The following NELL2 variants were observed in gnomAD, a reference collection of about 807,000 sequenced individuals.
NELL2 encodes protein kinase C-binding protein NELL2.
Under a neutral mutation model 109.6 loss-of-function variants are expected in NELL2, and 41 were observed. The ratio of observed to expected loss-of-function variants is 0.37; its 90% CI spans 0.29 to 0.49. The LOEUF is 0.49. NELL2 is among the 20% of genes least tolerant of loss of function. The pLI is 0.98. For synonymous variants in NELL2, 355 were observed against 344.7 expected (o/e 1.03, Z -0.33); for missense variants, 900 against 1,008.3 (o/e 0.89, Z 1.45).
At chr12:44,833,204 G>A (rs1386721264) in intron 2 of NELL2, among the ~76,000 whole-genome samples, 1 of 152,154 alleles carries the variant, frequency 6.6e-6, no homozygotes, top group Non-Finnish European at 1.5e-5. Context: ...AAACCTGGGT[G>A]TTCTACAAAG....
upstream of NELL2, chr12:44,876,421 C>G (rs987408542): frequency 3.1e-6 from 4 of 1,274,462 alleles, no homozygotes; most frequent in African/African-American, 4.6e-5. Context: ...AGGGCGAGGC[C>G]GGCGCTCAGC....
chr12:44,763,014 G>T (rs566274587), intron 9 of NELL2, among the ~76,000 whole-genome samples: 1 of 151,972 alleles, frequency 6.6e-6, no homozygotes, highest in African/African-American at 2.4e-5. Flanking sequence ...TTCATTCCTA[G>T]GCACATGGAA....
chr12:44,756,286 A>C (rs1369706600), intron 9 of NELL2, among the ~76,000 whole-genome samples: 1 of 151,726 alleles, frequency 6.6e-6, no homozygotes, highest in Non-Finnish European at 1.5e-5. Flanking sequence ...TCTCTTATAC[A>C]TGTTCAACCT....
intron 2 of NELL2, among the ~76,000 whole-genome samples, chr12:44,821,487 A>G (rs941275318): frequency 6.6e-6 from 1 of 152,250 alleles, no homozygotes; most frequent in African/African-American, 2.4e-5. Context: ...GTAGGTGAGT[A>G]GTGATTTTAA....
chr12:44,815,816 AC>A, intron 3 of NELL2, 169 bp downstream of exon 3: 1 of 589,398 alleles, frequency 1.7e-6, no homozygotes, highest in South Asian at 2.7e-5. Context: ...ACAGGGTTTC[AC>A]CATATTGGTC....
chr12:44,670,650 T>A (rs1948107381), intron 12 of NELL2, among the ~76,000 whole-genome samples: 1 of 134,910 alleles, frequency 7.4e-6, no homozygotes, highest in Non-Finnish European at 1.6e-5. Context: ...TGTGAAGGAG[T>A]AGCTATGTTT....
chr12:44,886,422 TA>T (rs529024534), intron 1 of NELL2, among the ~76,000 whole-genome samples: 165 of 151,956 alleles, frequency 1.1e-3, no homozygotes, highest in Non-Finnish European at 1.9e-3. Flanking sequence ...GACAAAATAT[TA>T]AAGGACTTGT....
At chr12:44,593,901 G>T (rs906315303) in intron 15 of NELL2, among the ~76,000 whole-genome samples, 1 of 152,144 alleles carries the variant, frequency 6.6e-6, no homozygotes, top group African/African-American at 2.4e-5. Context: ...ATCAATGATA[G>T]ACTGGATAAA....
chr12:44,803,112 C>T (rs1039698964), intron 3 of NELL2, among the ~76,000 whole-genome samples: 2 of 151,934 alleles, frequency 1.3e-5, no homozygotes, highest in African/African-American at 4.8e-5. Context: ...GGGTTCCTGA[C>T]AAGATGAGTA....
upstream of NELL2, among the ~76,000 whole-genome samples, chr12:44,879,618 A>G (rs1797177570): frequency 1.3e-5 from 2 of 151,994 alleles, no homozygotes; most frequent in South Asian, 4.1e-4. Flanking sequence ...TTCAGACTCT[A>G]TCGGGACCCT....
chr12:44,517,876 G>C (rs1941345699), intron 19 of NELL2, among the ~76,000 whole-genome samples: 1 of 152,022 alleles, frequency 6.6e-6, no homozygotes, highest in African/African-American at 2.4e-5. Context: ...ACTCAGAGGG[G>C]AGTAGAATGG....
intron 3 of NELL2, among the ~76,000 whole-genome samples, chr12:44,814,187 C>G (rs1488094038): frequency 6.6e-6 from 1 of 152,074 alleles, no homozygotes; most frequent in Non-Finnish European, 1.5e-5. Context: ...AGCACAGAGA[C>G]AGGAGCAGTA....
chr12:44,667,710 G>C (rs1175146585), intron 12 of NELL2, among the ~76,000 whole-genome samples: 1 of 152,198 alleles, frequency 6.6e-6, no homozygotes, highest in African/African-American at 2.4e-5. Flanking sequence ...AATTCAGCAG[G>C]AAAGTGTCAG....
At chr12:44,662,305 A>G (rs1184117292) in intron 13 of NELL2, among the ~76,000 whole-genome samples, 1 of 152,214 alleles carries the variant, frequency 6.6e-6, no homozygotes, top group East Asian at 1.9e-4. Context: ...AGTAGTTTAA[A>G]TAATGAACAT....
chr12:44,876,386 G>A (rs1945326615), upstream of NELL2: 1 of 1,255,498 alleles, frequency 8.0e-7, no homozygotes. Flanking sequence ...GGGGAGGCGG[G>A]GTAAGGAGGA....
intron 15 of NELL2, among the ~76,000 whole-genome samples, chr12:44,543,538 G>A (rs1415053649): frequency 6.6e-6 from 1 of 152,112 alleles, no homozygotes; most frequent in Non-Finnish European, 1.5e-5. Flanking sequence ...GAAGTGTCTT[G>A]GGATAAAGCT....
At chr12:44,560,812 C>A (rs1943443522) in intron 15 of NELL2, among the ~76,000 whole-genome samples, 1 of 152,136 alleles carries the variant, frequency 6.6e-6, no homozygotes, top group Non-Finnish European at 1.5e-5. Flanking sequence ...AAGAAGGACT[C>A]CTCCCTAAGT....
intron 14 of NELL2, among the ~76,000 whole-genome samples, chr12:44,609,308 G>A (rs752936467): frequency 5.9e-5 from 9 of 151,902 alleles, no homozygotes; most frequent in Non-Finnish European, 8.8e-5. Context: ...TTTGATAATC[G>A]GGAAGGCTAC....
At chr12:44,787,825 C>G (rs1275645136) in intron 3 of NELL2, among the ~76,000 whole-genome samples, 1 of 151,892 alleles carries the variant, frequency 6.6e-6, no homozygotes, top group African/African-American at 2.4e-5. Flanking sequence ...GGATCACAAA[C>G]TTAAATATAA....
Sources: allele counts gnomAD v4.1 joint callset (sites outside exome capture counted in the v4.1 genomes callset), GRCh38; gene constraint gnomAD v4.1.1; transcripts MANE v1.5; gene names NCBI Gene and HGNC (gene_info 2026-07-23, HGNC 2026-07-21).